The following FAR2 variants were observed in gnomAD, a reference collection of about 807,000 sequenced individuals.
The protein encoded by FAR2 is epididymis secretory protein Li 81.
In FAR2, 19 loss-of-function variants were observed where a neutral mutation model predicts 56.0. That is an observed-to-expected ratio of 0.34 (90% CI 0.24 to 0.50). FAR2 has a LOEUF of 0.50. FAR2 is among the 20% of genes least tolerant of loss of function. The pLI is 0.98. For synonymous variants in FAR2, 219 were observed against 218.8 expected (o/e 1.00, Z -0.01); for missense variants, 508 against 642.2 (o/e 0.79, Z 2.26).
intron 1 of FAR2, among the ~76,000 whole-genome samples, chr12:29,262,631 C>T (rs1449403988): frequency 6.6e-6 from 1 of 150,982 alleles, no homozygotes; most frequent in Non-Finnish European, 1.5e-5. Context: ...ATTCCATCTT[C>T]AAAAAATAAG....
In FAR2 at chr12:29,289,306, A is replaced by G. The variant is rs552845478; in HGVS notation, c.190-3994A>G. On this transcript the variant is annotated intron_variant, in intron 2 of 11. Transcript: ENST00000536681. ...TGACTTCAAATTATACTACAAAGCTATGGTAACCAAAATAGCATGGTACCA... is the reference window on the plus strand; with the variant it reads ...TGACTTCAAATTATACTACAAAGCTGTGGTAACCAAAATAGCATGGTACCA... Among the ~76,000 whole-genome samples, 15 of 152,356 alleles carry G rather than the reference A, an allele frequency of 9.8e-5. No homozygotes were observed. The East Asian group carries it at 2.5e-3, about 25-fold the overall frequency.
rs1949765642 is a variant in FAR2 at position 29,333,895 on chromosome 12, C to T, written c.*101C>T. 1.8e-6 allele frequency: 2 copies of T among 1,091,874 alleles called. No homozygotes were observed. The highest frequency in any genetic ancestry group is 2.2e-5 in the Admixed American group (1 of 45,034). The allele number at this position is 1,091,874 out of a possible 1,614,324, so 67.6% of individuals were successfully genotyped here. ...GAAAGTAACAAGGAATATGCCCAAA[C>T]TGTCAAATGTCACCTGTTATGTATT... On this transcript the variant is annotated 3_prime_UTR_variant, in exon 12 of 12. Coordinates refer to ENST00000536681, the MANE Select transcript of FAR2 (RefSeq NM_001271783.2).
chr12:29,305,614 G>T (rs1156774412), intron 4 of FAR2, among the ~76,000 whole-genome samples: 1 of 151,890 alleles, frequency 6.6e-6, no homozygotes, highest in Non-Finnish European at 1.5e-5. Flanking sequence ...TATAATTATT[G>T]CCATTTTCAC....
intron 1 of FAR2, among the ~76,000 whole-genome samples, chr12:29,173,738 GGTTT>G (rs955896459): frequency 1.3e-5 from 2 of 152,144 alleles, no homozygotes; most frequent in African/African-American, 4.8e-5. Context: ...CCGCAGTTTT[GGTTT>G]GTTTGTTTCC....
chr12:29,215,786 A>C (rs1194619817), intron 1 of FAR2, among the ~76,000 whole-genome samples: 1 of 152,158 alleles, frequency 6.6e-6, no homozygotes, highest in Non-Finnish European at 1.5e-5. Flanking sequence ...ATCAATATAT[A>C]AACAAAAATA....
At chr12:29,160,013 A>G (rs796510982) in intron 1 of FAR2, among the ~76,000 whole-genome samples, 9 of 152,346 alleles carry the variant, frequency 5.9e-5, no homozygotes, top group African/African-American at 2.2e-4. Context: ...CATCTGCCCT[A>G]TAAGTCCTTA....
intron 1 of FAR2, among the ~76,000 whole-genome samples, chr12:29,206,796 T>C (rs1947481444): frequency 6.6e-6 from 1 of 152,166 alleles, no homozygotes; most frequent in African/African-American, 2.4e-5. Flanking sequence ...GAGACACACC[T>C]GGCATCCCAG....
rs1294857218 is a variant in FAR2 at position 29,235,783 on chromosome 12, C to A, written c.-38-34629C>A. Among the ~76,000 whole-genome samples, 3 of 152,028 alleles carry A rather than the reference C, an allele frequency of 2.0e-5. No homozygotes were observed. The East Asian group carries it at 5.8e-4, about 29-fold the overall frequency. ...AAAAAAAGGTAGTGAGTGATGGGAG[C>A]AAATGAGATAAGAGTTAGACTTTTG... is the stretch of plus-strand genomic sequence containing the variant. On this transcript the variant is annotated intron_variant, in intron 1 of 11. Transcript: ENST00000536681.
At chr12:29,246,595 A>C (rs1387027968) in intron 1 of FAR2, among the ~76,000 whole-genome samples, 1 of 152,242 alleles carries the variant, frequency 6.6e-6, no homozygotes, top group Non-Finnish European at 1.5e-5. Context: ...TTGCATCAGC[A>C]TATAAATTCT....
chr12:29,286,878 A>G (rs1948884848), intron 2 of FAR2, among the ~76,000 whole-genome samples: 1 of 152,138 alleles, frequency 6.6e-6, no homozygotes, highest in Non-Finnish European at 1.5e-5. Flanking sequence ...TAAATGCAAA[A>G]TTGTCTTTAA....
chr12:29,282,571 G>A (rs201343283), intron 2 of FAR2, among the ~76,000 whole-genome samples: 4 of 110,096 alleles, frequency 3.6e-5, no homozygotes, highest in Non-Finnish European at 3.7e-5. Context: ...GTTCCTGAAG[G>A]TAATAAACCA....
At chr12:29,303,314 A>C (rs1949206300) in intron 4 of FAR2, among the ~76,000 whole-genome samples, 1 of 152,166 alleles carries the variant, frequency 6.6e-6, no homozygotes, top group Non-Finnish European at 1.5e-5. Flanking sequence ...AGACTACCTT[A>C]AGGAGGTTTT....
intron 9 of FAR2, among the ~76,000 whole-genome samples, chr12:29,320,491 T>C (rs1949533389): frequency 6.6e-6 from 1 of 152,176 alleles, no homozygotes; most frequent in South Asian, 2.1e-4. Flanking sequence ...GAGAAATACC[T>C]CATGAGTCAT....
chr12:29,310,638 G>A (rs1239209821), intron 6 of FAR2, among the ~76,000 whole-genome samples: 2 of 151,916 alleles, frequency 1.3e-5, no homozygotes, highest in African/African-American at 2.4e-5. Flanking sequence ...TCAAGGAAAT[G>A]GTAAACAAAT....
chr12:29,239,868 A>G (rs988469426), intron 1 of FAR2, among the ~76,000 whole-genome samples: 2 of 152,350 alleles, frequency 1.3e-5, no homozygotes. Flanking sequence ...TTGCTACACA[A>G]GAAGGACAGA....
At chr12:29,159,596 GA>G (rs1949762751) in intron 1 of FAR2, among the ~76,000 whole-genome samples, 1 of 151,746 alleles carries the variant, frequency 6.6e-6, no homozygotes, top group East Asian at 1.9e-4. Context: ...GGAAGATCAT[GA>G]AAATTCTTCC....
intron 1 of FAR2, among the ~76,000 whole-genome samples, chr12:29,253,260 TAGATAG>T (rs1191675392): frequency 1.1e-5 from 1 of 89,182 alleles, no homozygotes; most frequent in Admixed American, 1.3e-4. Flanking sequence ...GATATCTATC[TAGATAG>T]ATATCTATAT....
chr12:29,298,788 G>A (rs10843382), intron 4 of FAR2, among the ~76,000 whole-genome samples: 45,701 of 152,042 alleles, frequency 0.3, 6,982 homozygotes, highest in East Asian at 0.35. Flanking sequence ...TATTTGATAT[G>A]TCCAGGAGAG....
chr12:29,240,008 T>C (rs778716091), intron 1 of FAR2, among the ~76,000 whole-genome samples: 1 of 152,190 alleles, frequency 6.6e-6, no homozygotes, highest in Non-Finnish European at 1.5e-5. Flanking sequence ...ATGTTTGAGA[T>C]GGTATCTGCT....
Sources: allele counts gnomAD v4.1 joint callset (sites outside exome capture counted in the v4.1 genomes callset), GRCh38; gene constraint gnomAD v4.1.1; transcripts MANE v1.5; gene names NCBI Gene and HGNC (gene_info 2026-07-23, HGNC 2026-07-21).